The following NPIPB7 variants were observed in gnomAD, a reference collection of about 807,000 sequenced individuals.
The protein encoded by NPIPB7 is nuclear pore complex interacting protein family member B7, also known as nuclear pore complex-interacting protein family member B7.
For synonymous variants in NPIPB7, 9 were observed against 88.1 expected (o/e 0.10, Z 5.03); for missense variants, 14 against 238.5 (o/e 0.06, Z 6.20).
chr16:28,464,836 G>T (rs1478159767), intron 2 of NPIPB7, among the ~76,000 whole-genome samples: 1 of 149,776 alleles, frequency 6.7e-6, no homozygotes, highest in Non-Finnish European at 1.5e-5. Flanking sequence ...GTTTTTTCCT[G>T]ATTTCTGCAC....
upstream of NPIPB7, among the ~76,000 whole-genome samples, chr16:28,470,707 G>A (rs1389222046): frequency 6.6e-6 from 1 of 150,666 alleles, no homozygotes; most frequent in Admixed American, 6.6e-5. Context: ...GGCACCTGGA[G>A]GAGGTGGAGG....
At chr16:28,462,174 C>A (rs1395524413) in intron 4 of NPIPB7, among the ~76,000 whole-genome samples, 1 of 149,514 alleles carries the variant, frequency 6.7e-6, no homozygotes, top group Non-Finnish European at 1.5e-5. Context: ...AATCCCAGCA[C>A]TTTGGGAGGC....
chr16:28,462,218 G>A lies in NPIPB7; in HGVS notation c.545+456C>T, dbSNP rs1304602695. 2.3e-3 allele frequency among the ~76,000 whole-genome samples: 340 copies of A among 149,544 alleles called. 13 individuals carry two copies. The highest frequency in any genetic ancestry group is 8.1e-3 in the African/African-American group (327 of 40,166). ...GTGGATTACCTGAGGTCAGAAGTTC[G>A]AGACCAGCCTGGACAACATGGTGAA... On this transcript the variant is annotated intron_variant, in intron 4 of 6. Transcript: ENST00000452313.
At chr16:28,468,766 CA>C (rs1358803873) in intron 1 of NPIPB7, among the ~76,000 whole-genome samples, 1 of 112,518 alleles carries the variant, frequency 8.9e-6, no homozygotes, top group African/African-American at 2.9e-5. Context: ...GAGATCGCAC[CA>C]CTGCACTTCA....
chr16:28,463,622 A>G (rs2045885966), intron 2 of NPIPB7, among the ~76,000 whole-genome samples: 1 of 143,006 alleles, frequency 7.0e-6, no homozygotes, highest in African/African-American at 2.6e-5. Context: ...GCTAGTCGGG[A>G]GGCTGAGGCA....
At chr16:28,467,251 ACT>A (rs1397061243) in intron 1 of NPIPB7, among the ~76,000 whole-genome samples, 1 of 109,092 alleles carries the variant, frequency 9.2e-6, no homozygotes, top group African/African-American at 3.1e-5. Flanking sequence ...CTAAAAAAAA[ACT>A]CTTTTTTTTT....
chr16:28,463,753 T>G (rs1555466423), intron 2 of NPIPB7, among the ~76,000 whole-genome samples: 124 of 96,574 alleles, frequency 1.3e-3, no homozygotes, highest in Non-Finnish European at 1.8e-3. Flanking sequence ...AAAAAAAAAA[T>G]AGCCCAGGTG....
intron 4 of NPIPB7, among the ~76,000 whole-genome samples, 177 bp downstream of exon 4, chr16:28,462,497 G>A: frequency 7.0e-6 from 1 of 143,390 alleles, no homozygotes; most frequent in Non-Finnish European, 1.5e-5. Context: ...AAACAAGAAT[G>A]TAGGAAGGGA....
At chr16:28,468,810 A>C (rs2045921582) in intron 1 of NPIPB7, among the ~76,000 whole-genome samples, 1 of 83,822 alleles carries the variant, frequency 1.2e-5, no homozygotes, top group Middle Eastern at 4.7e-3. Flanking sequence ...CTGTCTCAAA[A>C]AAAAAAAAAA....
chr16:28,465,166 T>C (rs1316293070), intron 2 of NPIPB7, among the ~76,000 whole-genome samples: 1 of 102,126 alleles, frequency 9.8e-6, no homozygotes. Context: ...CTTTCCTAAA[T>C]GGAACTGTTA....
upstream of NPIPB7, among the ~76,000 whole-genome samples, chr16:28,470,834 G>A (rs1190824630): frequency 8.1e-5 from 11 of 135,044 alleles, no homozygotes; most frequent in South Asian, 5.9e-4. Context: ...GACACGCGGG[G>A]CAAGGGAGCG....
chr16:28,465,565 G>T (rs1234889376), intron 2 of NPIPB7, among the ~76,000 whole-genome samples: 1 of 141,494 alleles, frequency 7.1e-6, no homozygotes, highest in Non-Finnish European at 1.5e-5. Flanking sequence ...AAGTGGCATA[G>T]AGAATGTTAA....
intron 1 of NPIPB7, among the ~76,000 whole-genome samples, chr16:28,469,522 TG>T (rs2045926909): frequency 6.8e-6 from 1 of 147,584 alleles, no homozygotes; most frequent in African/African-American, 2.5e-5. Context: ...CGCTCAAACC[TG>T]GGAAGCAGAG....
exon 1 of NPIPB7, chr16:28,470,505 G>C: frequency 1.6e-6 from 2 of 1,246,038 alleles, no homozygotes; most frequent in South Asian, 1.3e-5. Flanking sequence ...GGGCAGGGGG[G>C]AGGGAAGGGG....
At chr16:28,471,856 G>A (rs2045952412), upstream of NPIPB7, among the ~76,000 whole-genome samples, 1 of 151,916 alleles carries the variant, frequency 6.6e-6, no homozygotes, top group Admixed American at 6.6e-5. Flanking sequence ...TGACCTTCAT[G>A]ATTGACCTCT....
chr16:28,456,789 GA>G lies in NPIPB7; in HGVS notation c.879del (p.Pro294LeufsTer10). 9.2e-7 allele frequency: 1 copy of G among 1,088,786 alleles called. No individual in the cohort carries two copies. Among genetic ancestry groups the G allele is most frequent in the Non-Finnish European group, 1.3e-6 (1 of 769,648 alleles). 67.4% of individuals were successfully genotyped at this position (1,088,786 alleles called of 1,614,324 possible). On this transcript the variant is annotated frameshift_variant, in exon 7 of 7. Coordinates refer to ENST00000452313, the Ensembl canonical transcript of NPIPB7. LOFTEE classifies it high-confidence loss of function. The stretch of plus-strand genomic sequence containing the variant: ...TTATCATCCACTGAGGGTGGAAGAG[GA>G]GAGGGTGGAAGAGGAGCAAGAGGAC...
At chr16:28,464,439 G>C (rs1299480115) in intron 2 of NPIPB7, among the ~76,000 whole-genome samples, 1 of 152,166 alleles carries the variant, frequency 6.6e-6, no homozygotes, top group Non-Finnish European at 1.5e-5. Context: ...AAAATGCAAT[G>C]CAAATCCCAT....
chr16:28,462,402 G>A (rs982696119), intron 4 of NPIPB7, among the ~76,000 whole-genome samples: 1 of 144,242 alleles, frequency 6.9e-6, no homozygotes, highest in South Asian at 2.1e-4. Context: ...CAACAGCAAA[G>A]CTCCATCTCA....
chr16:28,464,614 C>A (rs1168677824), intron 2 of NPIPB7, among the ~76,000 whole-genome samples: 1 of 146,156 alleles, frequency 6.8e-6, no homozygotes, highest in Non-Finnish European at 1.5e-5. Context: ...GCCTCGGCCT[C>A]CCAAGTAGCT....
Sources: allele counts gnomAD v4.1 joint callset (sites outside exome capture counted in the v4.1 genomes callset), GRCh38; gene constraint gnomAD v4.1.1; transcripts MANE v1.5; gene names NCBI Gene and HGNC (gene_info 2026-07-23, HGNC 2026-07-21).